Variants in HLA-DMA observed in about 807,000 individuals in gnomAD.
HLA-DMA encodes major histocompatibility complex, class II, DM alpha.
A neutral mutation model predicts 27.3 loss-of-function variants in HLA-DMA; 20 were observed. The ratio of observed to expected loss-of-function variants is 0.73; its 90% CI spans 0.52 to 1.07. HLA-DMA has a LOEUF of 1.07. Ranked by LOEUF, HLA-DMA falls within the 50% of genes least tolerant of loss-of-function variation. The pLI is 0.00. For missense variants in HLA-DMA, 241 were observed against 321.7 expected (o/e 0.75, Z 1.92); for synonymous variants, 111 against 126.8 (o/e 0.88, Z 0.83).
In HLA-DMA at chr6:32,950,414, G is replaced by GA; in HGVS notation, c.373+104dup. Reference sequence around the variant, plus strand: ...AAAATTAAGGTGATGAAGAGAACCAGAAAGTATTTGAGATGGGGAGCTGGT... The same window carrying GA: ...AAAATTAAGGTGATGAAGAGAACCAGAAAAGTATTTGAGATGGGGAGCTGGT... On this transcript the variant is annotated intron_variant, in intron 2 of 4. Transcript: ENST00000374843. The surrounding 1 kb of genome is among the most constrained non-coding windows in gnomAD (Gnocchi z 5.0). 1 of 1,365,144 alleles carries GA rather than the reference G, an allele frequency of 7.3e-7. No individual in the cohort carries two copies. Among genetic ancestry groups the GA allele is most frequent in the Admixed American group, 1.9e-5 (1 of 51,448 alleles). The allele number at this position is 1,365,144 out of a possible 1,614,324, so 84.6% of individuals were successfully genotyped here. A position where few individuals can be genotyped will look rare whatever the true frequency, so the allele number is the denominator to read the frequency against.
Position 32,950,606 on chromosome 6 carries a change from G to T in HLA-DMA, c.286C>A (p.Pro96Thr). 1 of 1,613,088 alleles carries T rather than the reference G, an allele frequency of 6.2e-7. No individual in the cohort carries two copies. The highest frequency in any genetic ancestry group is 8.5e-7 in the Non-Finnish European group (1 of 1,180,030). ...ADWAQEQGDA[P>T]AILFDKEFCE... is the part of the protein sequence containing the mutation. ...AACTCTTTGTCAAATAAAATGGCAG[G>T]AGCATCTCCCTGTTCCTGAGCCCAG... The change falls in exon 2 of 5, where the codon CCT becomes ACT. Residue 96 changes from proline to threonine, a missense_variant. Transcript: ENST00000374843. This position sits in a 1 kb window ranked among gnomAD's most constrained non-coding sequence, Gnocchi z 5.0.
Position 32,950,882 on chromosome 6 carries a change from C to A in HLA-DMA, c.89-79G>T. ...TAAAAAACAGCAAGGTGGGGCTAGG[C>A]GCAGTGGCTCATGCCTGTAATCCCA... is the stretch of plus-strand genomic sequence containing the variant. On this transcript the variant is annotated intron_variant, in intron 1 of 4. Transcript: ENST00000374843. This position sits in a 1 kb window ranked among gnomAD's most constrained non-coding sequence, Gnocchi z 5.0. 7.0e-7 allele frequency: 1 copy of A among 1,437,790 alleles called. No individual in the cohort carries two copies. The highest frequency in any genetic ancestry group is 9.5e-7 in the Non-Finnish European group (1 of 1,050,316). The allele number at this position is 1,437,790 out of a possible 1,614,324, so 89.1% of individuals were successfully genotyped here. A position where few individuals can be genotyped will look rare whatever the true frequency, so the allele number is the denominator to read the frequency against.
At chr6:32,952,871 A>C (rs1272620904) in intron 1 of HLA-DMA, 78 bp downstream of exon 1, 15 of 1,101,138 alleles carry the variant, frequency 1.4e-5, no homozygotes, top group Middle Eastern at 2.0e-4. Flanking sequence ...CACCACTCAC[A>C]AAGCACAGCG....
chr6:32,952,919 G>C, intron 1 of HLA-DMA, 30 bp downstream of exon 1: 1 of 1,554,374 alleles, frequency 6.4e-7, no homozygotes. Flanking sequence ...CCTAGGTTCA[G>C]GATGGAAGTA....
rs1371190318 is a variant in HLA-DMA, at chr6:32,952,967, A to C, written c.70T>G (p.Ser24Ala). 6.2e-7 allele frequency: 1 copy of C among 1,612,738 alleles called. No individual in the cohort carries two copies. Among genetic ancestry groups the C allele is most frequent in the Admixed American group, 1.7e-5 (1 of 60,024 alleles). ...ATCTTACCTTCAGGGACGGCCCAGGAGTGGGGTAGCAGCCACAGAAGTGGT... is the reference window on the plus strand; with the variant it reads ...ATCTTACCTTCAGGGACGGCCCAGGCGTGGGGTAGCAGCCACAGAAGTGGT... The part of the protein sequence containing the change: ...MLPLLWLLPH[S>A]WAVPEAPTPM... Residue 24 changes from serine (S) to alanine (A), a missense_variant, in exon 1 of 5, where the codon TCC (serine) becomes GCC (alanine). Transcript: ENST00000374843.
rs1174061175 is a variant in HLA-DMA at position 32,950,287 on chromosome 6, C to T, written c.373+232G>A. On this transcript the variant is annotated intron_variant, in intron 2 of 4. Coordinates refer to ENST00000374843, the MANE Select transcript of HLA-DMA (RefSeq NM_006120.4). The surrounding 1 kb of genome is among the most constrained non-coding windows in gnomAD (Gnocchi z 5.0). The stretch of plus-strand genomic sequence containing the variant: ...ATATTCAGTAGGTATCAGTTGGTAC[C>T]TGTTGAATTCATCACATTCAATACA... 3 of 612,128 alleles carry T rather than the reference C, an allele frequency of 4.9e-6. No individual in the cohort carries two copies. Among genetic ancestry groups the T allele is most frequent in the Non-Finnish European group, 8.7e-6 (3 of 345,380 alleles). The allele number at this position is 612,128 out of a possible 1,614,324, so 37.9% of individuals were successfully genotyped here.
rs1776830877 is a variant in HLA-DMA, at chr6:32,950,145, G to A, written c.374-256C>T. 3.4e-6 allele frequency: 2 copies of A among 596,598 alleles called. No homozygotes were observed. Among genetic ancestry groups the A allele is most frequent in the Non-Finnish European group, 5.9e-6 (2 of 336,770 alleles). The allele number at this position is 596,598 out of a possible 1,614,324, so 37.0% of individuals were successfully genotyped here. On this transcript the variant is annotated intron_variant, in intron 2 of 4. Transcript: ENST00000374843. This position sits in a 1 kb window ranked among gnomAD's most constrained non-coding sequence, Gnocchi z 5.0. ...ACCATGACTTCCTTCAGCACTTCCT[G>A]TCTAGAGCTCACATTGATGTCTAAC...
chr6:32,952,990 G>A lies in HLA-DMA; in HGVS notation c.47C>T (p.Pro16Leu), dbSNP rs1776967811. The part of the protein sequence containing the change: ...NQGAALLQML[P>L]LLWLLPHSWA... ...GGAGTGGGGTAGCAGCCACAGAAGTGGTAACATCTGTAGCAGCGCAGCTCC... is the reference window on the plus strand; with the variant it reads ...GGAGTGGGGTAGCAGCCACAGAAGTAGTAACATCTGTAGCAGCGCAGCTCC... Residue 16 changes from proline (P) to leucine (L), a missense_variant, in exon 1 of 5, where the codon CCA becomes CTA. Pro to Leu is a moderately conservative substitution (Grantham distance 98). Coordinates refer to ENST00000374843, the MANE Select transcript of HLA-DMA (RefSeq NM_006120.4). The A allele has an allele frequency of 1.2e-6, 2 of 1,612,700 alleles. No individual in the cohort carries two copies. The highest frequency in any genetic ancestry group is 1.3e-5 in the African/African-American group (1 of 74,874).
Position 32,948,674 on chromosome 6 carries a change from G to T in HLA-DMA, c.*190C>A. ...GAAGGGATGTGGTTGTGATAGGCAGGCCACTCTGGGATCCCTGGGATGCAA... is the reference window on the plus strand; with the variant it reads ...GAAGGGATGTGGTTGTGATAGGCAGTCCACTCTGGGATCCCTGGGATGCAA... On this transcript the variant is annotated 3_prime_UTR_variant, in exon 5 of 5. Transcript: ENST00000374843. 3.0e-6 allele frequency: 2 copies of T among 666,120 alleles called. No homozygotes were observed. The highest frequency in any genetic ancestry group is 2.7e-6 in the Non-Finnish European group (1 of 368,994). 41.3% of individuals were successfully genotyped at this position (666,120 alleles called of 1,614,324 possible).
chr6:32,948,690 T>A lies in HLA-DMA; in HGVS notation c.*174A>T, dbSNP rs2127479382. On this transcript the variant is annotated 3_prime_UTR_variant, in exon 5 of 5. Coordinates refer to ENST00000374843, the MANE Select transcript of HLA-DMA (RefSeq NM_006120.4). ...GATAGGCAGGCCACTCTGGGATCCCTGGGATGCAAGCCCAGGGACAGCAGA... is the reference window on the plus strand; with the variant it reads ...GATAGGCAGGCCACTCTGGGATCCCAGGGATGCAAGCCCAGGGACAGCAGA... 1.4e-6 allele frequency: 1 copy of A among 725,276 alleles called. No individual in the cohort carries two copies. The highest frequency in any genetic ancestry group is 1.7e-5 in the African/African-American group (1 of 57,192). 44.9% of individuals were successfully genotyped at this position (725,276 alleles called of 1,614,324 possible). A position where few individuals can be genotyped will look rare whatever the true frequency, so the allele number is the denominator to read the frequency against.
At position 32,949,136 on chromosome 6, in the gene HLA-DMA, G is replaced by T; in HGVS notation, c.781+135C>A. The T allele has an allele frequency of 8.3e-7, 1 of 1,202,340 alleles. No homozygotes were observed. The highest frequency in any genetic ancestry group is 1.2e-6 in the Non-Finnish European group (1 of 848,058). The allele number at this position is 1,202,340 out of a possible 1,614,324, so 74.5% of individuals were successfully genotyped here. ...GGGAAGATGTGCCCCCATGGTGCTG[G>T]ATACAGGCCCCCACACCCAAGGGCC... On this transcript the variant is annotated intron_variant, in intron 4 of 4. Transcript: ENST00000374843. This position sits in a 1 kb window ranked among gnomAD's most constrained non-coding sequence, Gnocchi z 5.8.
In HLA-DMA at chr6:32,949,181, C is replaced by A; in HGVS notation, c.781+90G>T. ...AGGGCCTGAGGATCGCTATATGTCC[C>A]CCCATGCCACAAAATAATCCTGACA... On this transcript the variant is annotated intron_variant, in intron 4 of 4. Coordinates refer to ENST00000374843, the MANE Select transcript of HLA-DMA (RefSeq NM_006120.4). This position sits in a 1 kb window ranked among gnomAD's most constrained non-coding sequence, Gnocchi z 5.8. The A allele has an allele frequency of 6.4e-7, 1 of 1,562,026 alleles. No individual in the cohort carries two copies. The highest frequency in any genetic ancestry group is 1.2e-5 in the South Asian group (1 of 86,490).
chr6:32,950,966 C>A lies in HLA-DMA; in HGVS notation c.89-163G>T, dbSNP rs555213704. ...GGTCAGGAGTTTGAGACCAGCCTGG[C>A]CAGCATGGTGAAACTCCGTCTCTAC... On this transcript the variant is annotated intron_variant, in intron 1 of 4. Coordinates refer to ENST00000374843, the MANE Select transcript of HLA-DMA (RefSeq NM_006120.4). This position sits in a 1 kb window ranked among gnomAD's most constrained non-coding sequence, Gnocchi z 5.0. Among the ~76,000 whole-genome samples, 1 of 151,896 alleles carries A rather than the reference C, an allele frequency of 6.6e-6. No homozygotes were observed. Among genetic ancestry groups the A allele is most frequent in the Admixed American group, 6.6e-5 (1 of 15,250 alleles).
In HLA-DMA at chr6:32,948,757, C is replaced by A; in HGVS notation, c.*107G>T. ...TCTACACACACACCCCAGGGATGTC[C>A]CAGAGACTTCTACCCTAAGAGGAGA... On this transcript the variant is annotated 3_prime_UTR_variant, in exon 5 of 5. Transcript: ENST00000374843. 9.0e-7 allele frequency: 1 copy of A among 1,116,012 alleles called. No individual in the cohort carries two copies. Among genetic ancestry groups the A allele is most frequent in the Non-Finnish European group, 1.3e-6 (1 of 796,202 alleles). 69.1% of individuals were successfully genotyped at this position (1,116,012 alleles called of 1,614,324 possible).
At position 32,949,433 on chromosome 6, in the gene HLA-DMA, A is replaced by G. The variant is rs1461930009; in HGVS notation, c.653-34T>C. On this transcript the variant is annotated intron_variant, in intron 3 of 4. Transcript: ENST00000374843. This position sits in a 1 kb window ranked among gnomAD's most constrained non-coding sequence, Gnocchi z 5.8. The stretch of plus-strand genomic sequence containing the variant: ...AATGAGTGGCTCAGCCTGGGGACCT[A>G]GTTAGGGAGCCTCCCACCCAGGGAA... 6.2e-7 allele frequency: 1 copy of G among 1,612,440 alleles called. No homozygotes were observed. Among genetic ancestry groups the G allele is most frequent in the Non-Finnish European group, 8.5e-7 (1 of 1,179,052 alleles).
Position 32,952,940 on chromosome 6 carries a change from C to T in HLA-DMA, c.88+9G>A, listed in dbSNP as rs1776964860. The T allele has an allele frequency of 6.2e-7, 1 of 1,604,584 alleles. No individual in the cohort carries two copies. The highest frequency in any genetic ancestry group is 2.2e-5 in the East Asian group (1 of 44,856). ...TTCAGGATGGAAGTAAATAGGAGTA[C>T]CATCTTACCTTCAGGGACGGCCCAG... On this transcript the variant is annotated intron_variant, in intron 1 of 4. Transcript: ENST00000374843.
Position 32,950,434 on chromosome 6 carries a change from G to A in HLA-DMA, c.373+85C>T. 7.0e-7 allele frequency: 1 copy of A among 1,431,212 alleles called. No homozygotes were observed. Among genetic ancestry groups the A allele is most frequent in the Non-Finnish European group, 9.7e-7 (1 of 1,034,224 alleles). The allele number at this position is 1,431,212 out of a possible 1,614,324, so 88.7% of individuals were successfully genotyped here. ...AACCAGAAAGTATTTGAGATGGGGA[G>A]CTGGTATCAAGGGGAATTATTCAGT... On this transcript the variant is annotated intron_variant, in intron 2 of 4. Coordinates refer to ENST00000374843, the MANE Select transcript of HLA-DMA (RefSeq NM_006120.4). The surrounding 1 kb of genome is among the most constrained non-coding windows in gnomAD (Gnocchi z 5.0).
chr6:32,952,917 C>T, intron 1 of HLA-DMA, 32 bp downstream of exon 1: 1 of 1,548,848 alleles, frequency 6.5e-7, no homozygotes, highest in South Asian at 1.1e-5. Context: ...TCCCTAGGTT[C>T]AGGATGGAAG....
At position 32,951,889 on chromosome 6, in the gene HLA-DMA, A is replaced by G. The variant is rs562733044; in HGVS notation, c.88+1060T>C. On this transcript the variant is annotated intron_variant, in intron 1 of 4. Coordinates refer to ENST00000374843, the MANE Select transcript of HLA-DMA (RefSeq NM_006120.4). ...GGTTGCAGGGAGCCGAGATCACGTC[A>G]CTGCACTCTACCCTGGGTGACAGAG... Among the ~76,000 whole-genome samples, 5 of 152,292 alleles carry G rather than the reference A, an allele frequency of 3.3e-5. 1 individual carries two copies. Among genetic ancestry groups the G allele is most frequent in the African/African-American group, 1.2e-4 (5 of 41,558 alleles).
Sources: gnomAD v4.1 joint callset for allele counts (sites outside exome capture counted in the v4.1 genomes callset) on GRCh38, gnomAD v4.1.1 for gene constraint, Gnocchi (gnomAD v3.1) non-coding constraint, MANE v1.5 for transcripts, NCBI Gene and HGNC (gene_info 2026-07-23, HGNC 2026-07-21) for gene names.